The following PCDHA10 variants were observed in gnomAD, a reference collection of about 807,000 sequenced individuals.
The protein encoded by PCDHA10 is protocadherin alpha 10.
Under a neutral mutation model 61.2 loss-of-function variants are expected in PCDHA10, and 45 were observed. That is an observed-to-expected ratio of 0.74 (90% confidence interval 0.58 to 0.94). The LOEUF is 0.94. Among genes scored for constraint, PCDHA10 ranks in the 40% least tolerant of loss-of-function variants. The pLI, the probability that PCDHA10 is intolerant of heterozygous loss-of-function variation, is 0.00. For synonymous variants in PCDHA10, 602 were observed against 548.8 expected (o/e 1.10, Z -1.35); for missense variants, 1,278 against 1,236.2 (o/e 1.03, Z -0.51).
At chr5:140,969,556 C>A in intron 1 of PCDHA10, 1 of 1,210,690 alleles carries the variant, frequency 8.3e-7, no homozygotes, top group Non-Finnish European at 1.1e-6. Flanking sequence ...AAGCCTTGTC[C>A]ATAAAATTGT....
Position 140,968,348 on chromosome 5 carries a change from A to G in PCDHA10, c.2389-10601A>G, listed in dbSNP as rs782567344. The stretch of plus-strand genomic sequence containing the variant: ...CTCCTATGTCTCCATTAACAGTGCC[A>G]GTGGCAGCCTTTATGCTGTCAACTC... On this transcript the variant is annotated intron_variant, in intron 1 of 3. Coordinates refer to ENST00000307360, the MANE Select transcript of PCDHA10 (RefSeq NM_018901.4). 1 of 1,614,124 alleles carries G rather than the reference A, an allele frequency of 6.2e-7. No individual in the cohort carries two copies. The highest frequency in any genetic ancestry group is 2.2e-5 in the East Asian group (1 of 44,886).
chr5:140,954,282 T>C (rs1554221335), intron 1 of PCDHA10, among the ~76,000 whole-genome samples: 1 of 152,220 alleles, frequency 6.6e-6, no homozygotes. Context: ...TGATTTATAT[T>C]CCTTTGGGTA....
intron 1 of PCDHA10, chr5:140,966,972 T>A (rs1554229007): frequency 6.2e-7 from 1 of 1,602,946 alleles, no homozygotes; most frequent in Non-Finnish European, 8.5e-7. Flanking sequence ...GGGCTTGAGC[T>A]GCGGCGCTTG....
intron 1 of PCDHA10, among the ~76,000 whole-genome samples, chr5:140,941,193 T>TC (rs1554213826): frequency 4.3e-5 from 5 of 116,722 alleles, no homozygotes; most frequent in African/African-American, 1.7e-4. Flanking sequence ...TTCTTTTTTT[T>TC]TCTTTCTTCC....
intron 1 of PCDHA10, chr5:140,968,321 A>G: frequency 6.2e-7 from 1 of 1,613,834 alleles, no homozygotes; most frequent in Non-Finnish European, 8.5e-7. Flanking sequence ...GCTGCCAGTC[A>G]CCTCCTATGT....
At chr5:140,900,954 A>T (rs942765998) in intron 1 of PCDHA10, among the ~76,000 whole-genome samples, 3 of 152,204 alleles carry the variant, frequency 2.0e-5, no homozygotes, top group Non-Finnish European at 2.9e-5. Context: ...TTCTCTGATT[A>T]TCAGTGATGT....
intron 1 of PCDHA10, among the ~76,000 whole-genome samples, chr5:140,952,252 A>T (rs1230858145): frequency 6.6e-6 from 1 of 151,034 alleles, no homozygotes; most frequent in Admixed American, 6.6e-5. Context: ...CTGCTGGTGG[A>T]TTCCCATTCT....
rs782751899 is a variant in PCDHA10 at position 140,967,272 on chromosome 5, T to G, written c.2389-11677T>G. The G allele has an allele frequency of 1.2e-6, 2 of 1,613,412 alleles. No homozygotes were observed. Among genetic ancestry groups the G allele is most frequent in the East Asian group, 2.2e-5 (1 of 44,860 alleles). On this transcript the variant is annotated intron_variant, in intron 1 of 3. Transcript: ENST00000307360. ...GTGGCGCCTGGAGCGCGCTTTCACA[T>G]AGAGAGTGCGCAGGACCCCGACGTG...
At chr5:140,910,874 A>T (rs1285814930) in intron 1 of PCDHA10, among the ~76,000 whole-genome samples, 2 of 151,996 alleles carry the variant, frequency 1.3e-5, no homozygotes, top group African/African-American at 4.8e-5. Flanking sequence ...ATTATCCCAC[A>T]CCCTTAATAT....
intron 1 of PCDHA10, chr5:140,967,929 G>C (rs1554230126): frequency 6.2e-7 from 1 of 1,614,214 alleles, no homozygotes; most frequent in Non-Finnish European, 8.5e-7. Flanking sequence ...GCCGTTCTCA[G>C]TGTCAATGAC....
At chr5:140,893,219 G>T (rs1273209081) in intron 1 of PCDHA10, among the ~76,000 whole-genome samples, 1 of 152,194 alleles carries the variant, frequency 6.6e-6, no homozygotes. Context: ...GGAGGTGCAG[G>T]TATCACTTTG....
chr5:140,877,120 A>G (rs782093528), intron 1 of PCDHA10: 4 of 1,613,684 alleles, frequency 2.5e-6, no homozygotes, highest in East Asian at 4.5e-5. Context: ...CAGCAACGTG[A>G]CGCTGCAGGT....
At chr5:140,902,560 G>A (rs558432897) in intron 1 of PCDHA10, among the ~76,000 whole-genome samples, 1 of 151,954 alleles carries the variant, frequency 6.6e-6, no homozygotes, top group African/African-American at 2.4e-5. Flanking sequence ...CCAGATTTTT[G>A]AGGGTTTTTA....
At chr5:141,007,638 T>G (rs1393056593) in intron 3 of PCDHA10, among the ~76,000 whole-genome samples, 7 of 152,128 alleles carry the variant, frequency 4.6e-5, no homozygotes, top group African/African-American at 1.7e-4. Context: ...GCCCTCCCTG[T>G]ATTTGCCTAA....
At chr5:140,977,023 G>T (rs1554238168) in intron 1 of PCDHA10, among the ~76,000 whole-genome samples, 1 of 152,148 alleles carries the variant, frequency 6.6e-6, no homozygotes, top group Non-Finnish European at 1.5e-5. Flanking sequence ...TCTGTCAAAT[G>T]AATCTAAGAA....
At chr5:140,991,539 C>T (rs1458315356) in intron 3 of PCDHA10, among the ~76,000 whole-genome samples, 3 of 152,164 alleles carry the variant, frequency 2.0e-5, no homozygotes, top group Admixed American at 6.6e-5. Context: ...CACTATATAA[C>T]AAGGATCCAC....
intron 3 of PCDHA10, among the ~76,000 whole-genome samples, chr5:141,006,264 T>C (rs2098264343): frequency 6.6e-6 from 1 of 152,148 alleles, no homozygotes; most frequent in Non-Finnish European, 1.5e-5. Flanking sequence ...CAGGCTGGAC[T>C]GCAGTGGCAC....
chr5:140,897,947 T>A (rs1276045551), intron 1 of PCDHA10, among the ~76,000 whole-genome samples: 1 of 152,168 alleles, frequency 6.6e-6, no homozygotes, highest in Non-Finnish European at 1.5e-5. Context: ...CAGTGATGAT[T>A]AGCATTTTTT....
chr5:140,985,941 G>T (rs553776294), intron 3 of PCDHA10, among the ~76,000 whole-genome samples: 2 of 151,978 alleles, frequency 1.3e-5, no homozygotes, highest in South Asian at 4.1e-4. Flanking sequence ...GGGTTTCACT[G>T]TGTTAGCCAG....
Sources: gnomAD v4.1 joint callset for allele counts (sites outside exome capture counted in the v4.1 genomes callset) on GRCh38, gnomAD v4.1.1 for gene constraint, MANE v1.5 for transcripts, NCBI Gene and HGNC (gene_info 2026-07-23, HGNC 2026-07-21) for gene names.